The following GDAP1 variants were observed in gnomAD, a reference collection of about 807,000 sequenced individuals.
GDAP1 encodes the protein ganglioside induced differentiation associated protein 1.
GDAP1 carries 34 observed loss-of-function variants against 40.1 expected under a neutral mutation model. The ratio of observed to expected loss-of-function variants is 0.85; its 90% CI spans 0.64 to 1.13. The LOEUF (loss-of-function observed/expected upper bound fraction) is 1.13. Among genes scored for constraint, GDAP1 ranks in the 50% most tolerant of loss-of-function variants. The probability of loss-of-function intolerance (pLI) is 0.00; values close to 1 mark genes in which losing one functional copy is unlikely to be tolerated. For synonymous variants in GDAP1, 170 were observed against 157.4 expected (o/e 1.08, Z -0.60); for missense variants, 374 against 433.7 (o/e 0.86, Z 1.22).
At chr8:74,458,392 G>T (rs1040118526) in intron 2 of GDAP1, among the ~76,000 whole-genome samples, 4 of 152,172 alleles carry the variant, frequency 2.6e-5, no homozygotes, top group African/African-American at 9.7e-5. Context: ...CATGTGAAAT[G>T]AAGACAATGT....
chr8:74,478,110 T>A (rs114859291), intron 2 of GDAP1, among the ~76,000 whole-genome samples: 1 of 39,460 alleles, frequency 2.5e-5, no homozygotes, highest in South Asian at 8.8e-4. Flanking sequence ...AGGGTGCTGG[T>A]GGGGTGGTGG....
chr8:74,459,506 T>C (rs1278396176), intron 2 of GDAP1, among the ~76,000 whole-genome samples: 4 of 152,188 alleles, frequency 2.6e-5, no homozygotes, highest in Admixed American at 1.3e-4. Context: ...CAGGTGATTC[T>C]GAGGCAGAAG....
rs569185886 is a variant in GDAP1 at position 74,358,276 on chromosome 8, G to A, written c.311-1861G>A. 5.9e-5 allele frequency among the ~76,000 whole-genome samples: 9 copies of A among 152,382 alleles called. No individual in the cohort carries two copies. The South Asian group carries it at 1.7e-3, about 28-fold the overall frequency. The stretch of plus-strand genomic sequence containing the variant: ...CTGCTCTCATTCACTTTCCTAGGAA[G>A]GAAATGGTATGCTCTTCTGGAGAGA... On this transcript the variant is annotated intron_variant, in intron 2 of 5. Coordinates refer to ENST00000220822, the MANE Select transcript of GDAP1 (RefSeq NM_018972.4).
chr8:74,459,394 A>G (rs1452126379), intron 2 of GDAP1, among the ~76,000 whole-genome samples: 2 of 152,184 alleles, frequency 1.3e-5, no homozygotes, highest in East Asian at 3.9e-4. Context: ...TAAGAATGAC[A>G]CACAGACCTT....
intron 2 of GDAP1, among the ~76,000 whole-genome samples, chr8:74,430,428 C>A (rs1806010705): frequency 6.6e-6 from 1 of 152,088 alleles, no homozygotes; most frequent in African/African-American, 2.4e-5. Context: ...CTATGATACT[C>A]CACACAATAT....
intron 2 of GDAP1, among the ~76,000 whole-genome samples, chr8:74,400,804 A>G (rs1202139379): frequency 5.4e-5 from 8 of 148,786 alleles, no homozygotes; most frequent in Admixed American, 3.3e-4. Flanking sequence ...TTTCTCCTTC[A>G]CTTATGAAGC....
intron 2 of GDAP1, among the ~76,000 whole-genome samples, chr8:74,390,788 C>T (rs1297443136): frequency 6.6e-6 from 1 of 152,186 alleles, no homozygotes; most frequent in Non-Finnish European, 1.5e-5. Context: ...CCACAGCTGT[C>T]CCTACTCCCA....
downstream of GDAP1, among the ~76,000 whole-genome samples, chr8:74,368,713 G>A (rs1341005687): frequency 2.0e-5 from 3 of 152,166 alleles, no homozygotes; most frequent in Non-Finnish European, 2.9e-5. Context: ...CCCCTAGTCA[G>A]GAGTAAGGAC....
Position 74,427,041 on chromosome 8 carries a change from TC to T in GDAP1, c.166-61636del, listed in dbSNP as rs1425485229. Among the ~76,000 whole-genome samples the T allele has an allele frequency of 5.9e-5, 9 of 152,316 alleles. No individual in the cohort carries two copies. In the East Asian group the frequency reaches 1.4e-3, roughly 23 times the overall value. ...CTTCTTACATGGACTGTGGACTTGGTCATGTGATGTGGTTTGGCCAATGGGA... is the reference window on the plus strand; with the variant it reads ...CTTCTTACATGGACTGTGGACTTGGTATGTGATGTGGTTTGGCCAATGGGA... On this transcript the variant is annotated intron_variant, in intron 2 of 2. Transcript: ENST00000523640.
At chr8:74,378,594 C>T (rs1809898842) in intron 2 of GDAP1, among the ~76,000 whole-genome samples, 1 of 152,170 alleles carries the variant, frequency 6.6e-6, no homozygotes, top group Non-Finnish European at 1.5e-5. Context: ...ATCAAACTAG[C>T]ATCAATGTCC....
intron 2 of GDAP1, among the ~76,000 whole-genome samples, chr8:74,354,047 C>T (rs1808996348): frequency 1.3e-5 from 2 of 151,898 alleles, no homozygotes; most frequent in African/African-American, 4.8e-5. Flanking sequence ...TTACATATAC[C>T]CTTGTGGAAT....
chr8:74,365,796 A>G lies in GDAP1; in HGVS notation c.*1429A>G, dbSNP rs78545774. 3.3e-4 allele frequency: 148 copies of G among 453,714 alleles called. No individual in the cohort carries two copies. The East Asian group carries it at 7.2e-3, about 22-fold the overall frequency. The allele number at this position is 453,714 out of a possible 1,614,324, so 28.1% of individuals were successfully genotyped here. A position where few individuals can be genotyped will look rare whatever the true frequency, so the allele number is the denominator to read the frequency against. ...CTATATGTTCCCGATTTACAAAAAA[A>G]TTAATAAAACCTCCAGAGTAAACTC... On this transcript the variant is annotated 3_prime_UTR_variant, in exon 6 of 6. Transcript: ENST00000220822.
intron 2 of GDAP1, among the ~76,000 whole-genome samples, chr8:74,377,859 A>G (rs994697797): frequency 2.6e-5 from 4 of 152,220 alleles, no homozygotes; most frequent in African/African-American, 9.6e-5. Flanking sequence ...ACTAATGGCC[A>G]ATAATTGGAA....
intron 2 of GDAP1, among the ~76,000 whole-genome samples, chr8:74,390,455 G>A (rs943277560): frequency 6.6e-6 from 1 of 152,140 alleles, no homozygotes; most frequent in Non-Finnish European, 1.5e-5. Context: ...CAGGTCTGCT[G>A]GAGTTTGCTG....
intron 2 of GDAP1, among the ~76,000 whole-genome samples, chr8:74,381,620 G>C (rs1165113423): frequency 1.3e-5 from 2 of 152,042 alleles, no homozygotes. Context: ...GTTGGACGTG[G>C]TGGCAGGTGC....
intron 2 of GDAP1, among the ~76,000 whole-genome samples, chr8:74,382,284 A>AT (rs1157560553): frequency 6.6e-6 from 1 of 150,540 alleles, no homozygotes; most frequent in Non-Finnish European, 1.5e-5. Flanking sequence ...CGTGTTTTAC[A>AT]TTTTTTGCCC....
chr8:74,473,737 A>G (rs1250402247), intron 2 of GDAP1, among the ~76,000 whole-genome samples: 1 of 152,152 alleles, frequency 6.6e-6, no homozygotes, highest in Non-Finnish European at 1.5e-5. Context: ...GTCAGGTAAC[A>G]TGATGCCTCC....
chr8:74,464,990 C>T (rs1057275278), intron 2 of GDAP1, among the ~76,000 whole-genome samples: 3 of 152,008 alleles, frequency 2.0e-5, no homozygotes, highest in East Asian at 1.9e-4. Context: ...GAGGCCAAGG[C>T]GGGTAGATTG....
At chr8:74,350,656 G>C in intron 1 of GDAP1, 78 bp downstream of exon 1, 2 of 957,990 alleles carry the variant, frequency 2.1e-6, no homozygotes, top group Admixed American at 3.4e-5. Context: ...GTCCCGCCCA[G>C]GGAAGCCGGT....
Sources: gnomAD v4.1 joint callset for allele counts (sites outside exome capture counted in the v4.1 genomes callset) on GRCh38, gnomAD v4.1.1 for gene constraint, MANE v1.5 for transcripts, NCBI Gene and HGNC (gene_info 2026-07-23, HGNC 2026-07-21) for gene names.